Variants in PPP1R9A observed in about 807,000 individuals in gnomAD.
The protein encoded by PPP1R9A is protein phosphatase 1 regulatory subunit 9A.
A neutral mutation model predicts 141.9 loss-of-function variants in PPP1R9A; 59 were observed. The observed-to-expected ratio is 0.42, with a 90% confidence interval of 0.34 to 0.52. The LOEUF (loss-of-function observed/expected upper bound fraction) is 0.52. PPP1R9A is among the 20% of genes least tolerant of loss of function. PPP1R9A has a pLI of 0.10. For synonymous variants in PPP1R9A, 500 were observed against 569.7 expected, an observed-to-expected ratio of 0.88 and a Z score of 1.74; for missense variants, 1,444 against 1,611.9, an observed-to-expected ratio of 0.90 and a Z score of 1.78.
intron 5 of PPP1R9A, among the ~76,000 whole-genome samples, chr7:95,185,357 C>G (rs1834484147): frequency 7.1e-6 from 1 of 140,710 alleles, no homozygotes; most frequent in African/African-American, 2.8e-5. Flanking sequence ...TATTCATGTC[C>G]CTAGCCCACT....
At chr7:95,241,632 T>A (rs1039295924) in intron 8 of PPP1R9A, among the ~76,000 whole-genome samples, 3 of 152,100 alleles carry the variant, frequency 2.0e-5, no homozygotes, top group Non-Finnish European at 4.4e-5. Context: ...AATTTCTCCC[T>A]TGCCATTCCT....
chr7:95,006,755 C>G (rs1803660940), intron 2 of PPP1R9A, among the ~76,000 whole-genome samples: 1 of 152,144 alleles, frequency 6.6e-6, no homozygotes, highest in Non-Finnish European at 1.5e-5. Context: ...GATATGGTCT[C>G]CTGGAGGTGA....
intron 5 of PPP1R9A, among the ~76,000 whole-genome samples, chr7:95,178,342 C>T (rs1455999375): frequency 6.6e-6 from 1 of 151,966 alleles, no homozygotes; most frequent in East Asian, 1.9e-4. Context: ...TGAATGACAG[C>T]AGTGACACAA....
chr7:95,128,253 C>T (rs1404658351), intron 4 of PPP1R9A, among the ~76,000 whole-genome samples: 1 of 152,142 alleles, frequency 6.6e-6, no homozygotes, highest in Admixed American at 6.5e-5. Flanking sequence ...TTTGCATTTC[C>T]CTGGTGATTA....
rs1806396992 is a variant in PPP1R9A, at chr7:95,291,801, TC to T, written c.*1501del. 6.6e-6 allele frequency: 1 copy of T among 152,182 alleles called. No individual in the cohort carries two copies. Among genetic ancestry groups the T allele is most frequent in the Admixed American group, 6.5e-5 (1 of 15,272 alleles). 9.4% of individuals were successfully genotyped at this position (152,182 alleles called of 1,614,324 possible). On this transcript the variant is annotated 3_prime_UTR_variant, in exon 20 of 20. Coordinates refer to ENST00000433360, the MANE Select transcript of PPP1R9A (RefSeq NM_001166160.2). ...TACTTTATGGGAATCTCTGCTCTGT[TC>T]CCAGCATCTCGTATCTTCCACTAGA...
intron 2 of PPP1R9A, among the ~76,000 whole-genome samples, chr7:95,050,507 C>T (rs948491894): frequency 6.6e-6 from 1 of 152,166 alleles, no homozygotes; most frequent in Non-Finnish European, 1.5e-5. Flanking sequence ...GCAGGTGGAT[C>T]ACTTGAGGTC....
At position 95,286,227 on chromosome 7, in the gene PPP1R9A, T is replaced by C; in HGVS notation, c.3631T>C (p.Phe1211Leu). ...ACAGAATTTTACCTTCAATGATGAC[T>C]TCAGTCCCAGCAGTACCAGTTCAGC... ...ETNNFTFNDD[F>L]SPSSTSSADL... is the part of the protein sequence containing the mutation. Residue 1211 changes from phenylalanine (F) to leucine (L), a missense_variant, in exon 18 of 20, where the codon TTC becomes CTC. Around this residue, in one of 5 missense-constraint regions of PPP1R9A, gnomAD observed 459 missense variants for 513.8 expected, o/e 0.89. Coordinates refer to ENST00000433360, the MANE Select transcript of PPP1R9A (RefSeq NM_001166160.2). 6.2e-7 allele frequency: 1 copy of C among 1,613,458 alleles called. No individual in the cohort carries two copies. The highest frequency in any genetic ancestry group is 8.5e-7 in the Non-Finnish European group (1 of 1,179,556).
At chr7:95,156,784 C>G (rs767194299) in intron 4 of PPP1R9A, 3 of 152,278 alleles carry the variant, frequency 2.0e-5, no homozygotes, top group Non-Finnish European at 4.4e-5. Flanking sequence ...CTCGATGTCT[C>G]TGCAGGTTTC....
intron 2 of PPP1R9A, among the ~76,000 whole-genome samples, chr7:95,023,077 G>T (rs936025882): frequency 6.6e-6 from 1 of 152,114 alleles, no homozygotes; most frequent in Non-Finnish European, 1.5e-5. Flanking sequence ...TTGTACCTCT[G>T]GTAGAATTCG....
At chr7:95,193,760 A>G (rs1338364465) in intron 5 of PPP1R9A, among the ~76,000 whole-genome samples, 1 of 152,070 alleles carries the variant, frequency 6.6e-6, no homozygotes, top group Non-Finnish European at 1.5e-5. Flanking sequence ...TTCTTAAGAC[A>G]CTTTCATTCA....
chr7:95,221,296 T>A (rs941535364), intron 7 of PPP1R9A, among the ~76,000 whole-genome samples: 2 of 152,128 alleles, frequency 1.3e-5, no homozygotes, highest in Non-Finnish European at 2.9e-5. Flanking sequence ...ACTTTATAGA[T>A]GAAAAGATTA....
chr7:95,267,787 C>T (rs941471142), intron 12 of PPP1R9A, among the ~76,000 whole-genome samples: 1 of 152,054 alleles, frequency 6.6e-6, no homozygotes, highest in African/African-American at 2.4e-5. Context: ...GAGTCAGAGG[C>T]ACATACAAAT....
intron 8 of PPP1R9A, among the ~76,000 whole-genome samples, chr7:95,237,676 A>G (rs1309749944): frequency 6.6e-6 from 1 of 152,078 alleles, no homozygotes; most frequent in African/African-American, 2.4e-5. Context: ...GATATTTTAC[A>G]TCTTTGTTGT....
intron 2 of PPP1R9A, among the ~76,000 whole-genome samples, chr7:95,033,367 G>T (rs1356195959): frequency 6.6e-6 from 1 of 151,702 alleles, no homozygotes; most frequent in East Asian, 1.9e-4. Flanking sequence ...TTTCATTCTA[G>T]TGAGCTATCT....
rs541350439 is a variant in PPP1R9A, at chr7:95,044,128, AGT to A, written c.1396-67128_1396-67127del. Among the ~76,000 whole-genome samples, 25 of 152,354 alleles carry A rather than the reference AGT, an allele frequency of 1.6e-4. No homozygotes were observed. In the East Asian group the frequency reaches 4.4e-3, roughly 27 times the overall value. On this transcript the variant is annotated intron_variant, in intron 2 of 19. Coordinates refer to ENST00000433360, the MANE Select transcript of PPP1R9A (RefSeq NM_001166160.2). ...GGTGAACAGGAAATGAGGCAGTTAC[AGT>A]GTTTTAGTTGTTTGTCCTTTATTTC...
At chr7:95,114,393 G>T (rs568459936) in intron 3 of PPP1R9A, among the ~76,000 whole-genome samples, 26 of 152,292 alleles carry the variant, frequency 1.7e-4, no homozygotes, top group African/African-American at 5.8e-4. Flanking sequence ...AGTAGGGAAT[G>T]ATTAACACAA....
At chr7:95,285,942 A>G (rs866785256) in intron 17 of PPP1R9A, among the ~76,000 whole-genome samples, 1 of 152,206 alleles carries the variant, frequency 6.6e-6, no homozygotes, top group South Asian at 2.1e-4. Flanking sequence ...GCAGAGGATA[A>G]TGAATTCTGT....
At chr7:95,072,972 T>TATA (rs1254912975) in intron 2 of PPP1R9A, among the ~76,000 whole-genome samples, 7 of 131,834 alleles carry the variant, frequency 5.3e-5, no homozygotes, top group African/African-American at 8.7e-5. Flanking sequence ...TTATATATAA[T>TATA]ATAATAATAA....
rs769147347 is a variant in PPP1R9A, at chr7:94,910,986, G to A, written c.873G>A (p.Ser291=). Residue 291 remains serine, a synonymous_variant, in exon 2 of 20, where the codon TCG becomes TCA. Coordinates refer to ENST00000433360, the MANE Select transcript of PPP1R9A (RefSeq NM_001166160.2). This position sits in a 1 kb window ranked among gnomAD's most constrained non-coding sequence, Gnocchi z 4.5. ...EVASKSTSLA[S]IPGEEIQQSK... ...CTTCTAAAAGTACCTCTCTAGCTTC[G>A]ATACCTGGTGAAGAGATCCAGCAGA... The A allele has an allele frequency of 5.0e-5, 80 of 1,614,026 alleles. No individual in the cohort carries two copies. Among genetic ancestry groups the A allele is most frequent in the Non-Finnish European group, 6.3e-5 (74 of 1,180,004 alleles).
Sources: allele counts gnomAD v4.1 joint callset (sites outside exome capture counted in the v4.1 genomes callset), GRCh38; gene constraint gnomAD v4.1.1; regional missense constraint gnomAD v4.1.1; non-coding constraint Gnocchi (gnomAD v3.1); transcripts MANE v1.5; gene names NCBI Gene and HGNC (gene_info 2026-07-23, HGNC 2026-07-21).